ASH2L: variants seen among roughly 807,000 people sequenced by gnomAD.
ASH2L encodes the protein set1/Ash2 histone methyltransferase complex subunit ASH2.
ASH2L carries 30 observed loss-of-function variants against 81.1 expected under a neutral mutation model. That is an observed-to-expected ratio of 0.37 (90% CI 0.28 to 0.50). ASH2L has a LOEUF of 0.50. Among genes scored for constraint, ASH2L ranks in the 20% least tolerant of loss-of-function variants. The pLI is 0.95. For missense variants in ASH2L, 559 were observed against 792.1 expected (o/e 0.71, Z 3.53); for synonymous variants, 273 against 279.9 (o/e 0.98, Z 0.24).
chr8:38,121,521 T>C (rs540030765), intron 10 of ASH2L, among the ~76,000 whole-genome samples: 27 of 152,084 alleles, frequency 1.8e-4, no homozygotes, highest in Non-Finnish European at 3.1e-4. Context: ...GAAATTAACA[T>C]TGGTAAATAT....
intron 12 of ASH2L, among the ~76,000 whole-genome samples, chr8:38,131,355 TAAA>T (rs980158542): frequency 6.9e-6 from 1 of 145,900 alleles, no homozygotes. Context: ...TTCCTTTAAT[TAAA>T]AAAAAAAACA....
Position 38,121,041 on chromosome 8 carries a change from C to G in ASH2L, c.1057C>G (p.Pro353Ala). 1 of 1,613,790 alleles carries G rather than the reference C, an allele frequency of 6.2e-7. No homozygotes were observed. Among genetic ancestry groups the G allele is most frequent in the Non-Finnish European group, 8.5e-7 (1 of 1,179,962 alleles). Residue 353 changes from proline (P) to alanine (A), a missense_variant, in exon 10 of 16, where the codon CCT becomes GCT. Pro to Ala is a conservative substitution (Grantham distance 27). Coordinates refer to ENST00000343823, the MANE Select transcript of ASH2L (RefSeq NM_004674.5). Reference sequence around the variant, plus strand: ...TCTAGCTGAGCCTGATCCGCACGCCCCTGACCCCGAGAAGCTGGAACTTGA... The same window carrying G: ...TCTAGCTGAGCCTGATCCGCACGCCGCTGACCCCGAGAAGCTGGAACTTGA... ...YILAEPDPHA[P>A]DPEKLELDCW...
In ASH2L at chr8:38,119,820, CAA is replaced by C. The variant is rs1450826021; in HGVS notation, c.947+461_947+462del. ...TCCGTCTCAAAAACAAAACAAAAAA[CAA>C]AAATAATAACCCCAGGCCGGGCACG... On this transcript the variant is annotated intron_variant, in intron 9 of 15. Transcript: ENST00000343823. Among the ~76,000 whole-genome samples, 4 of 150,998 alleles carry C rather than the reference CAA, an allele frequency of 2.6e-5. No homozygotes were observed. In the East Asian group the frequency reaches 7.9e-4, roughly 30 times the overall value.
At chr8:38,127,153 C>A (rs1395385032) in intron 10 of ASH2L, among the ~76,000 whole-genome samples, 3 of 101,944 alleles carry the variant, frequency 2.9e-5, no homozygotes, top group Non-Finnish European at 5.8e-5. Context: ...CAGCATGAGA[C>A]CTTATCTCAA....
chr8:38,106,779 G>A (rs1810453010), intron 2 of ASH2L, among the ~76,000 whole-genome samples: 2 of 151,660 alleles, frequency 1.3e-5, no homozygotes, highest in Admixed American at 1.3e-4. Context: ...CCAGAGTGTT[G>A]GGATTACAGG....
Position 38,139,309 on chromosome 8 carries a change from G to T in ASH2L, c.*238G>T, listed in dbSNP as rs554632907. 11 of 449,108 alleles carry T rather than the reference G, an allele frequency of 2.4e-5. No homozygotes were observed. Among genetic ancestry groups the T allele is most frequent in the Middle Eastern group, 5.8e-4 (1 of 1,716 alleles). 27.8% of individuals were successfully genotyped at this position (449,108 alleles called of 1,614,324 possible). On this transcript the variant is annotated 3_prime_UTR_variant, in exon 16 of 16. Transcript: ENST00000343823. The stretch of plus-strand genomic sequence containing the variant: ...GCCAACAACCGCTGACTCCAGGATT[G>T]CATAAGCCCCCTGTGAAATCGGTGC...
chr8:38,129,594 T>G (rs897221467), intron 12 of ASH2L, among the ~76,000 whole-genome samples: 3 of 152,182 alleles, frequency 2.0e-5, no homozygotes, highest in Middle Eastern at 3.2e-3. Context: ...AAAAAAGAGA[T>G]GTGGACACTT....
intron 5 of ASH2L, among the ~76,000 whole-genome samples, chr8:38,112,562 C>T (rs1008719892): frequency 4.6e-5 from 7 of 152,054 alleles, no homozygotes; most frequent in Non-Finnish European, 7.4e-5. Flanking sequence ...TGTGCCTGGC[C>T]ATGTGTTAAA....
intron 8 of ASH2L, chr8:38,119,036 A>C (rs182508395): frequency 2.4e-6 from 1 of 415,610 alleles, no homozygotes; most frequent in African/African-American, 2.1e-5. Context: ...CTGTAACCCA[A>C]CCATCATAGT....
chr8:38,135,871 A>C (rs1246235568), intron 14 of ASH2L, 105 bp downstream of exon 14: 1 of 790,034 alleles, frequency 1.3e-6, no homozygotes. Flanking sequence ...GCAGCCTCAG[A>C]GTGGCATGCG....
At chr8:38,114,753 A>T (rs1036838024) in intron 6 of ASH2L, 152 bp from the exon 7 acceptor site, 1 of 589,542 alleles carries the variant, frequency 1.7e-6, no homozygotes, top group Non-Finnish European at 3.0e-6. Flanking sequence ...GAATTTTTTG[A>T]TGGTCACTGA....
intron 4 of ASH2L, 133 bp from the exon 5 acceptor site, chr8:38,110,606 G>A: frequency 9.0e-7 from 1 of 1,115,182 alleles, no homozygotes; most frequent in South Asian, 1.3e-5. Flanking sequence ...AATTGCAATT[G>A]CCCATTTCAG....
chr8:38,117,556 G>A (rs903297272), intron 8 of ASH2L: 27 of 754,302 alleles, frequency 3.6e-5, no homozygotes, highest in Non-Finnish European at 4.2e-5. Flanking sequence ...TATGGTAGAA[G>A]CTAAAAACTA....
chr8:38,114,132 T>G, intron 5 of ASH2L, 60 bp from the exon 6 acceptor site: 1 of 1,062,338 alleles, frequency 9.4e-7, no homozygotes, highest in South Asian at 1.6e-5. Context: ...GCTGTTTTCT[T>G]TCTTTGTCAG....
At chr8:38,136,631 T>C (rs1802267148) in intron 14 of ASH2L, among the ~76,000 whole-genome samples, 1 of 150,324 alleles carries the variant, frequency 6.7e-6, no homozygotes, top group Admixed American at 6.6e-5. Flanking sequence ...AAAAATTAGC[T>C]GGGCTTGGTG....
At chr8:38,129,708 G>T (rs1801980337) in intron 12 of ASH2L, among the ~76,000 whole-genome samples, 1 of 152,092 alleles carries the variant, frequency 6.6e-6, no homozygotes, top group African/African-American at 2.4e-5. Flanking sequence ...ACTTTAATTT[G>T]TACCTCTTCT....
intron 14 of ASH2L, among the ~76,000 whole-genome samples, chr8:38,136,102 ATT>A (rs772313591): frequency 0.044 from 4,282 of 97,862 alleles, 234 homozygotes; most frequent in East Asian, 0.29. Context: ...GCTTACAATG[ATT>A]TTTTTTTTTT....
At chr8:38,120,030 T>A (rs1585582818) in intron 9 of ASH2L, among the ~76,000 whole-genome samples, 1 of 151,854 alleles carries the variant, frequency 6.6e-6, no homozygotes, top group Admixed American at 6.6e-5. Context: ...GAGGCTGAGG[T>A]GGGAGAATTG....
intron 6 of ASH2L, 74 bp downstream of exon 6, chr8:38,114,361 C>T: frequency 1.1e-6 from 1 of 933,482 alleles, no homozygotes; most frequent in Non-Finnish European, 1.7e-6. Context: ...ATAATATCGT[C>T]TCATTGTGAA....
Sources: allele counts gnomAD v4.1 joint callset (sites outside exome capture counted in the v4.1 genomes callset), GRCh38; gene constraint gnomAD v4.1.1; transcripts MANE v1.5; gene names NCBI Gene and HGNC (gene_info 2026-07-23, HGNC 2026-07-21).